Variants in VTI1A observed in about 807,000 individuals in gnomAD.
The protein encoded by VTI1A is vesicle transport through interaction with t-SNAREs 1A, also known as vesicle transport through interaction with t-SNAREs homolog 1A.
In VTI1A, 22 loss-of-function variants were observed where a neutral mutation model predicts 34.9. That is an observed-to-expected ratio of 0.63 (90% CI 0.45 to 0.90). The LOEUF (loss-of-function observed/expected upper bound fraction) is 0.90, where lower values mean the gene tolerates loss of function less well. Ranked by LOEUF, VTI1A falls within the 40% of genes least tolerant of loss-of-function variation. The probability of loss-of-function intolerance (pLI) is 0.00; values close to 1 mark genes in which losing one functional copy is unlikely to be tolerated. For missense variants in VTI1A, 268 were observed against 275.6 expected, an observed-to-expected ratio of 0.97 and a Z score of 0.20; for synonymous variants, 87 against 97.3, an observed-to-expected ratio of 0.89 and a Z score of 0.62.
At chr10:112,729,785 C>T (rs1850183334) in intron 7 of VTI1A, among the ~76,000 whole-genome samples, 1 of 152,194 alleles carries the variant, frequency 6.6e-6, no homozygotes, top group African/African-American at 2.4e-5. Context: ...CAGCTGATTG[C>T]AGGCTGGACA....
rs7899166 is a variant in VTI1A at position 112,635,901 on chromosome 10, G to A, written c.428-32317G>A. ...AAGGGATGAGTGAACTACCCAGCATGTAATAGGAAATGGGGAGTAAAACTT... is the reference window on the plus strand; with the variant it reads ...AAGGGATGAGTGAACTACCCAGCATATAATAGGAAATGGGGAGTAAAACTT... On this transcript the variant is annotated intron_variant, in intron 5 of 7. Transcript: ENST00000393077. Among the ~76,000 whole-genome samples, 667 of 152,324 alleles carry A rather than the reference G, an allele frequency of 4.4e-3. 6 individuals are homozygous for A. The highest frequency in any genetic ancestry group is 0.015 in the African/African-American group (642 of 41,574).
chr10:112,778,796 T>A (rs1455248025), intron 7 of VTI1A, among the ~76,000 whole-genome samples: 1 of 152,208 alleles, frequency 6.6e-6, no homozygotes, highest in East Asian at 1.9e-4. Context: ...AGCTTTCTTA[T>A]CAGACATTTT....
the VTI1A span, among the ~76,000 whole-genome samples, chr10:112,845,257 C>T: frequency 1.3e-5 from 2 of 152,182 alleles, no homozygotes; most frequent in African/African-American, 4.8e-5. Flanking sequence ...TTTCTCTGCA[C>T]AAGTTGGGGC....
chr10:112,737,589 G>A, intron 7 of VTI1A: 1 of 1,048,656 alleles, frequency 9.5e-7, no homozygotes, highest in Non-Finnish European at 1.2e-6. Flanking sequence ...AGCATGTAAG[G>A]TCTTAGTCCA....
intron 5 of VTI1A, among the ~76,000 whole-genome samples, chr10:112,551,087 CA>C (rs539843345): frequency 1.3e-5 from 2 of 151,696 alleles, no homozygotes; most frequent in Admixed American, 6.6e-5. Flanking sequence ...ACTAAAAATA[CA>C]AAAAAATTAG....
intron 7 of VTI1A, among the ~76,000 whole-genome samples, chr10:112,773,570 C>T (rs968340117): frequency 6.6e-6 from 1 of 151,358 alleles, no homozygotes; most frequent in Non-Finnish European, 1.5e-5. Context: ...CACCTCAACT[C>T]GGCTAAGGGT....
chr10:112,618,683 A>G (rs886607929), intron 5 of VTI1A, among the ~76,000 whole-genome samples: 4 of 151,822 alleles, frequency 2.6e-5, no homozygotes, highest in African/African-American at 9.7e-5. Context: ...ATATTGGTAT[A>G]GTTAGAACAT....
chr10:112,518,653 A>G (rs774172362), intron 3 of VTI1A, among the ~76,000 whole-genome samples: 22 of 70,064 alleles, frequency 3.1e-4, no homozygotes, highest in Middle Eastern at 9.3e-3. Flanking sequence ...ATATACGTGT[A>G]TATATATATA....
At chr10:112,575,510 C>T (rs747607877) in intron 5 of VTI1A, among the ~76,000 whole-genome samples, 1 of 152,170 alleles carries the variant, frequency 6.6e-6, no homozygotes, top group Non-Finnish European at 1.5e-5. Flanking sequence ...CGTTTGTTCG[C>T]GTCCATTGTG....
At chr10:112,627,859 A>G (rs1451461256) in intron 5 of VTI1A, among the ~76,000 whole-genome samples, 1 of 152,150 alleles carries the variant, frequency 6.6e-6, no homozygotes, top group Admixed American at 6.5e-5. Flanking sequence ...GATATATAAT[A>G]TAAAGTAAAA....
At chr10:112,634,759 TTG>T (rs1423744587) in intron 5 of VTI1A, among the ~76,000 whole-genome samples, 3 of 152,226 alleles carry the variant, frequency 2.0e-5, no homozygotes, top group Non-Finnish European at 4.4e-5. Context: ...CTTTTCTTTA[TTG>T]TAAACTTTCT....
chr10:112,518,623 GTATGTGTATATA>G (rs1178153229), intron 3 of VTI1A, among the ~76,000 whole-genome samples: 2 of 138,200 alleles, frequency 1.4e-5, no homozygotes, highest in Non-Finnish European at 3.1e-5. Flanking sequence ...GTGTGTGTGT[GTATGTGTATATA>G]TATGTGTATA....
chr10:112,457,175 G>A (rs1847562109), intron 1 of VTI1A, among the ~76,000 whole-genome samples: 1 of 152,142 alleles, frequency 6.6e-6, no homozygotes, highest in African/African-American at 2.4e-5. Context: ...GCTCTGAAAT[G>A]TCGAGGACCT....
At chr10:112,653,105 G>A (rs908357717) in intron 5 of VTI1A, among the ~76,000 whole-genome samples, 1 of 152,154 alleles carries the variant, frequency 6.6e-6, no homozygotes, top group African/African-American at 2.4e-5. Flanking sequence ...CTTGGTGTAC[G>A]CCCTCTGTAA....
intron 5 of VTI1A, among the ~76,000 whole-genome samples, chr10:112,619,210 G>A (rs1420943309): frequency 7.2e-5 from 11 of 151,990 alleles, no homozygotes; most frequent in Non-Finnish European, 1.6e-4. Flanking sequence ...TGCGTGGTCC[G>A]AGCCAATCCA....
At chr10:112,613,841 G>A (rs114292543) in intron 5 of VTI1A, among the ~76,000 whole-genome samples, 221 of 152,300 alleles carry the variant, frequency 1.5e-3, no homozygotes, top group African/African-American at 4.7e-3. Context: ...AGCTTCAGTC[G>A]GAGCTTGGGC....
At chr10:112,639,591 T>A (rs1212922563) in intron 5 of VTI1A, among the ~76,000 whole-genome samples, 1 of 152,180 alleles carries the variant, frequency 6.6e-6, no homozygotes, top group South Asian at 2.1e-4. Flanking sequence ...AGAACTGACA[T>A]GGGGTGACTA....
intron 7 of VTI1A, among the ~76,000 whole-genome samples, chr10:112,702,252 T>C (rs1456835607): frequency 6.6e-6 from 1 of 152,184 alleles, no homozygotes; most frequent in Non-Finnish European, 1.5e-5. Flanking sequence ...TGGGTATTCA[T>C]AAAATGATAT....
At chr10:112,471,029 A>G (rs1368865302) in intron 3 of VTI1A, among the ~76,000 whole-genome samples, 1 of 152,174 alleles carries the variant, frequency 6.6e-6, no homozygotes, top group Non-Finnish European at 1.5e-5. Flanking sequence ...CTGTTTACTT[A>G]ACTAATATTG....
Sources: allele counts gnomAD v4.1 joint callset (sites outside exome capture counted in the v4.1 genomes callset), GRCh38; gene constraint gnomAD v4.1.1; transcripts MANE v1.5; gene names NCBI Gene and HGNC (gene_info 2026-07-23, HGNC 2026-07-21).